Variants in RBM23 observed in about 807,000 individuals in gnomAD.
RBM23 encodes the protein probable RNA-binding protein 23.
In RBM23, 53 loss-of-function variants were observed where a neutral mutation model predicts 56.2. The observed-to-expected ratio is 0.94, with a 90% CI of 0.76 to 1.19. The LOEUF is 1.19. RBM23 is among the 50% of genes most tolerant of loss of function. The probability of loss-of-function intolerance (pLI) is 0.00; values close to 1 mark genes in which losing one functional copy is unlikely to be tolerated. For missense variants in RBM23, 642 were observed against 590.3 expected (o/e 1.09, Z -0.91); for synonymous variants, 197 against 198.5 (o/e 0.99, Z 0.06).
intron 1 of RBM23, among the ~76,000 whole-genome samples, chr14:22,916,752 A>C (rs2043580587): frequency 6.6e-6 from 1 of 152,180 alleles, no homozygotes; most frequent in South Asian, 2.1e-4. Context: ...TTATCAAAAT[A>C]ATCAGTCCCA....
In RBM23 at chr14:22,905,600, A is replaced by G. The variant is rs755744807; in HGVS notation, c.455+6T>C. ...ATCCCTAAAACAGTGTTCATTATCAACCCACCTGACTGGGCTCTTCTCTCT... is the reference window on the plus strand; with the variant it reads ...ATCCCTAAAACAGTGTTCATTATCAGCCCACCTGACTGGGCTCTTCTCTCT... On this transcript the variant is annotated splice_donor_region_variant and intron_variant, in intron 6 of 13. Transcript: ENST00000359890. 1.9e-6 allele frequency: 3 copies of G among 1,610,484 alleles called. No individual in the cohort carries two copies. Among genetic ancestry groups the G allele is most frequent in the Non-Finnish European group, 2.5e-6 (3 of 1,176,572 alleles).
At chr14:22,906,731 C>A (rs980879347) in intron 4 of RBM23, among the ~76,000 whole-genome samples, 2 of 152,206 alleles carry the variant, frequency 1.3e-5, no homozygotes, top group African/African-American at 4.8e-5. Flanking sequence ...ACAAATATGT[C>A]ATTTAATAGA....
At chr14:22,904,522 CTT>C (rs748999632) in intron 9 of RBM23, among the ~76,000 whole-genome samples, 196 bp from the exon 10 acceptor site, 1 of 140,708 alleles carries the variant, frequency 7.1e-6, no homozygotes. Flanking sequence ...AAAAGGTGGA[CTT>C]TTTTTTTTTT....
intron 1 of RBM23, chr14:22,913,853 AAAAAATAC>A (rs1012366365): frequency 6.6e-6 from 1 of 151,732 alleles, no homozygotes; most frequent in Non-Finnish European, 1.5e-5. Flanking sequence ...CATCTCAAAA[AAAAAATAC>A]AAAAATACAA....
Position 22,901,511 on chromosome 14 carries a change from C to T in RBM23, c.*219G>A. Reference sequence around the variant, plus strand: ...ATTCAATGCAGGTGTGGATTCTGTTCTCTTCAACTGGTGGCTTTGCTCAGC... The same window carrying T: ...ATTCAATGCAGGTGTGGATTCTGTTTTCTTCAACTGGTGGCTTTGCTCAGC... On this transcript the variant is annotated 3_prime_UTR_variant, in exon 14 of 14. Transcript: ENST00000359890. 3 of 636,486 alleles carry T rather than the reference C, an allele frequency of 4.7e-6. No individual in the cohort carries two copies. The allele number at this position is 636,486 out of a possible 1,614,324, so 39.4% of individuals were successfully genotyped here.
At position 22,899,736 on chromosome 14, in the gene RBM23, A is replaced by T. The variant is rs1256301823; in HGVS notation, c.*1994T>A. On this transcript the variant is annotated 3_prime_UTR_variant, in exon 14 of 14. Transcript: ENST00000359890. ...TGTTACAGAAGCAGCAAACAGACTT[A>T]GGAGCTAGAGTCCCACTGGCCTTTT... 6.6e-6 allele frequency: 1 copy of T among 152,232 alleles called. No individual in the cohort carries two copies. The highest frequency in any genetic ancestry group is 1.5e-5 in the Non-Finnish European group (1 of 68,044). 9.4% of individuals were successfully genotyped at this position (152,232 alleles called of 1,614,324 possible).
In RBM23 at chr14:22,905,176, C is replaced by T; in HGVS notation, c.644G>A (p.Cys215Tyr). The T allele has an allele frequency of 1.2e-6, 2 of 1,614,202 alleles. No individual in the cohort carries two copies. ...GGCCAGTGGCACAGACTGGATTTCA[C>T]AGAATTCCACGTAGGCAATGCCCTT... ...RSKGIAYVEFCEIQSVPLAIG... is the reference protein window; with the variant it reads ...RSKGIAYVEFYEIQSVPLAIG... Residue 215 changes from cysteine to tyrosine, a missense_variant, in exon 8 of 14, where the codon TGT (cysteine) becomes TAT (tyrosine). Cys to Tyr is a radical substitution (Grantham distance 194). Coordinates refer to ENST00000359890, the MANE Select transcript of RBM23 (RefSeq NM_001077351.2).
At position 22,906,231 on chromosome 14, in the gene RBM23, T is replaced by C. The variant is rs1323779484; in HGVS notation, c.365A>G (p.Asp122Gly). ...ESRSRDHRRE[D>G]RVHYRSPPLA... ...TGGAGGACTCCTGTAATGCACACGA[T>C]CCTCACGACGATGGTCCCGACTTCG... is the stretch of plus-strand genomic sequence containing the variant. The change falls in exon 5 of 14, where the codon GAT becomes GGT. Residue 122 changes from aspartate (D) to glycine (G), a missense_variant. Asp to Gly is a moderately conservative substitution (Grantham distance 94). Coordinates refer to ENST00000359890, the MANE Select transcript of RBM23 (RefSeq NM_001077351.2). The C allele has an allele frequency of 6.2e-7, 1 of 1,614,216 alleles. No individual in the cohort carries two copies. The highest frequency in any genetic ancestry group is 8.5e-7 in the Non-Finnish European group (1 of 1,180,040).
In RBM23 at chr14:22,898,387, A is replaced by T. The variant is rs1399461668; in HGVS notation, c.*3343T>A. ...CTAACTATGCTGGCAAAGGATCTAG[A>T]TCACAATGTCACCCCTACGCCACCA... On this transcript the variant is annotated 3_prime_UTR_variant, in exon 14 of 14. Transcript: ENST00000359890. 6.6e-6 allele frequency: 1 copy of T among 152,204 alleles called. No homozygotes were observed. Among genetic ancestry groups the T allele is most frequent in the Non-Finnish European group, 1.5e-5 (1 of 68,040 alleles). 9.4% of individuals were successfully genotyped at this position (152,204 alleles called of 1,614,324 possible).
chr14:22,901,923 G>A (rs373398170), intron 12 of RBM23, 40 bp from the exon 13 acceptor site: 878 of 1,613,548 alleles, frequency 5.4e-4, no homozygotes, highest in Non-Finnish European at 6.7e-4. Flanking sequence ...CAAGCACCGC[G>A]CACTCCTTCT....
chr14:22,904,921 T>C lies in RBM23; in HGVS notation c.818A>G (p.Asn273Ser), dbSNP rs201316196. The C allele has an allele frequency of 4.5e-4, 732 of 1,614,202 alleles. No homozygotes were observed. Among genetic ancestry groups the C allele is most frequent in the South Asian group, 9.7e-4 (88 of 91,084 alleles). ...GCCCCGGAGCATGTCTTCAGTGATA[T>C]TGAAGTGCAGGGAACCCACATAGAG... ...MRLYVGSLHFNITEDMLRGIF... is the reference protein window; with the variant it reads ...MRLYVGSLHFSITEDMLRGIF... Residue 273 changes from asparagine (N) to serine (S), a missense_variant, in exon 9 of 14, where the codon AAT becomes AGT. Transcript: ENST00000359890.
intron 3 of RBM23, chr14:22,908,734 G>A: frequency 5.6e-6 from 1 of 178,524 alleles, no homozygotes; most frequent in South Asian, 1.2e-4. Flanking sequence ...AGAAGGTTTC[G>A]TTATTGCTGC....
chr14:22,911,184 A>C, intron 2 of RBM23, 144 bp downstream of exon 2: 1 of 708,954 alleles, frequency 1.4e-6, no homozygotes, highest in East Asian at 2.7e-5. Flanking sequence ...AAAGCTTACT[A>C]AGACTATGCC....
In RBM23 at chr14:22,900,329, A is replaced by ACCCCCCCCCCCCCCCCCCCC; in HGVS notation, c.*1400_*1401insGGGGGGGGGGGGGGGGGGGG. ...TGGTACTTAACTCTTCAAGATCACA[A>ACCCCCCCCCCCCCCCCCCCC]CCCCCCCCCCTCCCCGCCCCGCCCC... On this transcript the variant is annotated 3_prime_UTR_variant, in exon 14 of 14. Transcript: ENST00000359890. 7.5e-6 allele frequency: 1 copy of ACCCCCCCCCCCCCCCCCCCC among 132,570 alleles called. No homozygotes were observed. Among genetic ancestry groups the ACCCCCCCCCCCCCCCCCCCC allele is most frequent in the Non-Finnish European group, 1.6e-5 (1 of 63,118 alleles). 8.2% of individuals were successfully genotyped at this position (132,570 alleles called of 1,614,324 possible). A position where few individuals can be genotyped will look rare whatever the true frequency, so the allele number is the denominator to read the frequency against.
intron 10 of RBM23, 143 bp from the exon 11 acceptor site, chr14:22,902,525 T>C: frequency 2.1e-6 from 3 of 1,401,124 alleles, no homozygotes; most frequent in Non-Finnish European, 2.8e-6. Context: ...AAATATGACC[T>C]AGGCCCATCA....
At chr14:22,915,504 T>A (rs1469453598) in intron 1 of RBM23, among the ~76,000 whole-genome samples, 2 of 150,590 alleles carry the variant, frequency 1.3e-5, no homozygotes, top group African/African-American at 4.9e-5. Context: ...GGCTTTTTTT[T>A]TTTTTTTTTG....
intron 1 of RBM23, among the ~76,000 whole-genome samples, chr14:22,912,769 C>T (rs914783674): frequency 1.6e-4 from 24 of 151,408 alleles, no homozygotes; most frequent in African/African-American, 5.3e-4. Context: ...GCGGGCAGAT[C>T]ACGAGGTCAA....
chr14:22,912,044 T>C (rs2042618325), intron 1 of RBM23: 1 of 152,190 alleles, frequency 6.6e-6, no homozygotes, highest in South Asian at 2.1e-4. Context: ...AAAATGATGG[T>C]GGCCAAACTA....
At position 22,898,341 on chromosome 14, in the gene RBM23, C is replaced by G. The variant is rs1254429539; in HGVS notation, c.*3389G>C. Reference sequence around the variant, plus strand: ...AATCAGGTGAGAATCTTTTCTAGAACTGAAGACTGGTAGGGAAATTCTAAC... The same window carrying G: ...AATCAGGTGAGAATCTTTTCTAGAAGTGAAGACTGGTAGGGAAATTCTAAC... On this transcript the variant is annotated 3_prime_UTR_variant, in exon 14 of 14. Transcript: ENST00000359890. 3.3e-5 allele frequency: 5 copies of G among 152,190 alleles called. No homozygotes were observed. Among genetic ancestry groups the G allele is most frequent in the Non-Finnish European group, 5.9e-5 (4 of 68,036 alleles). 9.4% of individuals were successfully genotyped at this position (152,190 alleles called of 1,614,324 possible). A position where few individuals can be genotyped will look rare whatever the true frequency, so the allele number is the denominator to read the frequency against.
Sources: allele counts gnomAD v4.1 joint callset (sites outside exome capture counted in the v4.1 genomes callset), GRCh38; gene constraint gnomAD v4.1.1; transcripts MANE v1.5; gene names NCBI Gene and HGNC (gene_info 2026-07-23, HGNC 2026-07-21).